The following MYO5A variants were observed in gnomAD, a reference collection of about 807,000 sequenced individuals.
The protein encoded by MYO5A is unconventional myosin-Va.
A neutral mutation model predicts 249.7 loss-of-function variants in MYO5A; 98 were observed. The ratio of observed to expected loss-of-function variants is 0.39; its 90% CI spans 0.33 to 0.46. MYO5A has a LOEUF of 0.46. Ranked by LOEUF, MYO5A falls within the 20% of genes least tolerant of loss-of-function variation. The pLI, the probability that MYO5A is intolerant of heterozygous loss-of-function variation, is 0.98. For synonymous variants in MYO5A, 778 were observed against 810.6 expected, an observed-to-expected ratio of 0.96 and a Z score of 0.68; for missense variants, 1,696 against 2,308.8, an observed-to-expected ratio of 0.73 and a Z score of 5.44.
At chr15:52,427,118 G>A (rs2075412469) in intron 3 of MYO5A, among the ~76,000 whole-genome samples, 1 of 151,164 alleles carries the variant, frequency 6.6e-6, no homozygotes, top group Admixed American at 6.6e-5. Context: ...TTTCAGTGGT[G>A]AGTTACATAT....
At chr15:52,438,505 C>G (rs527441765) in intron 1 of MYO5A, among the ~76,000 whole-genome samples, 90 of 152,296 alleles carry the variant, frequency 5.9e-4, no homozygotes, top group African/African-American at 2.0e-3. Context: ...AGAGACAGGA[C>G]TAGCTGGATT....
At chr15:52,495,822 G>C (rs1050431119) in intron 1 of MYO5A, among the ~76,000 whole-genome samples, 1 of 152,004 alleles carries the variant, frequency 6.6e-6, no homozygotes, top group Non-Finnish European at 1.5e-5. Flanking sequence ...TCTACCTCTA[G>C]TCTTATTTTA....
chr15:52,340,925 G>GCAA (rs1488507121), intron 31 of MYO5A, among the ~76,000 whole-genome samples: 4 of 146,610 alleles, frequency 2.7e-5, no homozygotes, highest in African/African-American at 7.9e-5. Context: ...TCCAGCCTGG[G>GCAA]CAACAAACAA....
At chr15:52,335,387 G>A (rs12441597) in intron 34 of MYO5A, among the ~76,000 whole-genome samples, 29,305 of 151,590 alleles carry the variant, frequency 0.19, 3,667 homozygotes, top group East Asian at 0.56. Flanking sequence ...ATGGTGGCAT[G>A]CACCTGTAAT....
intron 1 of MYO5A, among the ~76,000 whole-genome samples, chr15:52,473,530 C>T (rs1357601433): frequency 6.6e-6 from 1 of 152,126 alleles, no homozygotes; most frequent in Non-Finnish European, 1.5e-5. Context: ...GGTTTTAGGT[C>T]TTACATTTAA....
chr15:52,315,296 G>C (rs186016414), intron 40 of MYO5A, among the ~76,000 whole-genome samples: 1 of 152,244 alleles, frequency 6.6e-6, no homozygotes, highest in Non-Finnish European at 1.5e-5. Context: ...CAGGACCATT[G>C]TTCTGTCAGA....
intron 1 of MYO5A, among the ~76,000 whole-genome samples, chr15:52,507,036 T>C (rs1205711340): frequency 4.6e-5 from 7 of 152,188 alleles, no homozygotes; most frequent in Admixed American, 3.3e-4. Flanking sequence ...AGCTACTTTT[T>C]TTTCCCCCTG....
intron 34 of MYO5A, among the ~76,000 whole-genome samples, chr15:52,332,881 C>A (rs937127665): frequency 2.3e-4 from 35 of 152,176 alleles, no homozygotes; most frequent in African/African-American, 8.2e-4. Flanking sequence ...AGGAGAATCG[C>A]TTGAACCTGG....
Position 52,330,516 on chromosome 15 carries a change from A to G in MYO5A, c.4409-17T>C. 3 of 1,613,868 alleles carry G rather than the reference A, an allele frequency of 1.9e-6. No homozygotes were observed. The highest frequency in any genetic ancestry group is 2.5e-6 in the Non-Finnish European group (3 of 1,179,784). On this transcript the variant is annotated splice_polypyrimidine_tract_variant and intron_variant, in intron 34 of 41. Coordinates refer to ENST00000399233, the MANE Select transcript of MYO5A (RefSeq NM_001382347.1). ...TCTGGCCCACTTTATGAGAAGTAAG[A>G]AAGGAGGAGAAAATGTTTTCCATAT...
rs2140898835 is a variant in MYO5A at position 52,310,701 on chromosome 15, AGAGTGAAT to A, written c.*2987_*2994del. 1 of 152,462 alleles carries A rather than the reference AGAGTGAAT, an allele frequency of 6.6e-6. No individual in the cohort carries two copies. Among genetic ancestry groups the A allele is most frequent in the Non-Finnish European group, 1.5e-5 (1 of 68,140 alleles). The allele number at this position is 152,462 out of a possible 1,614,324, so 9.4% of individuals were successfully genotyped here. A position where few individuals can be genotyped will look rare whatever the true frequency, so the allele number is the denominator to read the frequency against. ...AGACGATTAAGTTGAGGGAAGGGGA[AGAGTGAAT>A]GAGTAGGGGAAAGGCTGGCAGGGTG... On this transcript the variant is annotated 3_prime_UTR_variant, in exon 42 of 42. Coordinates refer to ENST00000399233, the MANE Select transcript of MYO5A (RefSeq NM_001382347.1).
chr15:52,496,867 G>A (rs1200130697), intron 1 of MYO5A, among the ~76,000 whole-genome samples: 2 of 152,206 alleles, frequency 1.3e-5, no homozygotes, highest in African/African-American at 4.8e-5. Flanking sequence ...GTAGTCCTGA[G>A]TTGGCACAAT....
chr15:52,505,803 G>A, intron 1 of MYO5A: 2 of 1,591,146 alleles, frequency 1.3e-6, no homozygotes, highest in Non-Finnish European at 8.5e-7. Context: ...TGGAGGAGCA[G>A]ATCACTGCGT....
At chr15:52,342,445 T>C (rs79420365) in intron 31 of MYO5A, among the ~76,000 whole-genome samples, 3,726 of 152,284 alleles carry the variant, frequency 0.024, 139 homozygotes, top group African/African-American at 0.086. Flanking sequence ...AGCCACTGTC[T>C]CAGTAATAAA....
At chr15:52,317,004 T>G in intron 40 of MYO5A, 44 bp downstream of exon 40, 1 of 1,582,182 alleles carries the variant, frequency 6.3e-7, no homozygotes, top group African/African-American at 1.3e-5. Context: ...AAGATCATCT[T>G]TGATGAATGT....
At chr15:52,473,713 A>G (rs564065187) in intron 1 of MYO5A, among the ~76,000 whole-genome samples, 6 of 151,176 alleles carry the variant, frequency 4.0e-5, no homozygotes, top group Admixed American at 1.3e-4. Flanking sequence ...GTAGATGTGT[A>G]TTATTTCTGA....
At chr15:52,320,284 C>T (rs1327549872) in intron 38 of MYO5A, among the ~76,000 whole-genome samples, 2 of 152,234 alleles carry the variant, frequency 1.3e-5, no homozygotes, top group Non-Finnish European at 2.9e-5. Context: ...AGAGCAAAGG[C>T]CACGTCTGGT....
intron 6 of MYO5A, among the ~76,000 whole-genome samples, chr15:52,408,916 C>T (rs907468425): frequency 1.3e-5 from 2 of 152,112 alleles, no homozygotes; most frequent in African/African-American, 4.8e-5. Flanking sequence ...GAACAAATTA[C>T]CAGTATACCA....
intron 5 of MYO5A, among the ~76,000 whole-genome samples, chr15:52,414,389 A>C (rs1012589257): frequency 6.6e-6 from 1 of 152,212 alleles, no homozygotes; most frequent in Non-Finnish European, 1.5e-5. Flanking sequence ...CACTAAATGG[A>C]CTAAGACAGT....
At chr15:52,316,909 T>C (rs905193157) in intron 40 of MYO5A, 139 bp downstream of exon 40, 6 of 869,964 alleles carry the variant, frequency 6.9e-6, no homozygotes, top group Admixed American at 4.5e-5. Context: ...TGCTTTAAGA[T>C]TGGTAGAGGC....
Sources: gnomAD v4.1 joint callset for allele counts (sites outside exome capture counted in the v4.1 genomes callset) on GRCh38, gnomAD v4.1.1 for gene constraint, MANE v1.5 for transcripts, NCBI Gene and HGNC (gene_info 2026-07-23, HGNC 2026-07-21) for gene names.